Variants in MTMR3 observed in about 807,000 individuals in gnomAD.
MTMR3 encodes the protein myotubularin related protein 3, also known as phosphatidylinositol-3,5-bisphosphate 3-phosphatase MTMR3.
In MTMR3, 32 loss-of-function variants were observed where a neutral mutation model predicts 132.4. That is an observed-to-expected ratio of 0.24 (90% CI 0.18 to 0.32). The LOEUF is 0.32. Ranked by LOEUF, MTMR3 falls within the 10% of genes least tolerant of loss-of-function variation. The pLI is 1.00. For synonymous variants in MTMR3, 556 were observed against 550.3 expected (o/e 1.01, Z -0.14); for missense variants, 1,216 against 1,489.6 (o/e 0.82, Z 3.02).
intron 1 of MTMR3, among the ~76,000 whole-genome samples, chr22:29,892,020 G>A (rs2064809174): frequency 6.6e-6 from 1 of 151,990 alleles, no homozygotes. Context: ...CAGCGTGGTG[G>A]CACGCGCCTG....
rs139024510 is a variant in MTMR3, at chr22:29,890,706, A to G, written c.-138+7347A>G. Among the ~76,000 whole-genome samples the G allele has an allele frequency of 2.6e-5, 4 of 152,284 alleles. No homozygotes were observed. The East Asian group carries it at 7.7e-4, about 29-fold the overall frequency. On this transcript the variant is annotated intron_variant, in intron 1 of 19. Transcript: ENST00000401950. ...TTGTTGGGAGTTTAAAGTAGTTTGAAACAGTTTTCTGTTTCTTTTTCAGCA... is the reference window on the plus strand; with the variant it reads ...TTGTTGGGAGTTTAAAGTAGTTTGAGACAGTTTTCTGTTTCTTTTTCAGCA...
intron 2 of MTMR3, among the ~76,000 whole-genome samples, chr22:29,970,075 T>G (rs954609250): frequency 9.9e-5 from 15 of 152,256 alleles, no homozygotes; most frequent in Non-Finnish European, 1.8e-4. Flanking sequence ...ACTTACTCTT[T>G]GTATAAGCCT....
chr22:29,942,469 A>G (rs1047948662), intron 1 of MTMR3, among the ~76,000 whole-genome samples: 62 of 152,348 alleles, frequency 4.1e-4, no homozygotes, highest in African/African-American at 1.4e-3. Context: ...ACATCTTATC[A>G]GGAGACAGGG....
At chr22:29,973,126 A>G (rs374399061) in intron 3 of MTMR3, among the ~76,000 whole-genome samples, 2 of 152,178 alleles carry the variant, frequency 1.3e-5, no homozygotes, top group Admixed American at 6.5e-5. Context: ...TGTGTAGACA[A>G]TTCAGGAGCA....
intron 9 of MTMR3, chr22:30,004,411 T>C (rs1390568402): frequency 1.3e-5 from 2 of 152,136 alleles, no homozygotes; most frequent in Non-Finnish European, 2.9e-5. Context: ...TAAGAGGCTT[T>C]AGGTGAATTC....
intron 7 of MTMR3, chr22:29,991,915 GT>G: frequency 6.0e-6 from 2 of 335,228 alleles, no homozygotes; most frequent in East Asian, 5.0e-5. Context: ...CTATAATAAG[GT>G]TTTATGAATA....
intron 2 of MTMR3, among the ~76,000 whole-genome samples, chr22:29,958,140 T>A (rs1278103225): frequency 6.6e-6 from 1 of 152,126 alleles, no homozygotes; most frequent in African/African-American, 2.4e-5. Flanking sequence ...TCTGAAAAAT[T>A]TGCGAGTTCT....
intron 1 of MTMR3, among the ~76,000 whole-genome samples, chr22:29,922,648 T>C (rs757125649): frequency 6.6e-6 from 1 of 152,220 alleles, no homozygotes; most frequent in African/African-American, 2.4e-5. Context: ...AAGTCTCTGC[T>C]TTTACTCCTT....
At chr22:29,888,130 CTT>C in intron 1 of MTMR3, among the ~76,000 whole-genome samples, 1 of 151,778 alleles carries the variant, frequency 6.6e-6, no homozygotes, top group Non-Finnish European at 1.5e-5. Context: ...ATTTGGGAAA[CTT>C]TTGTTTCTTT....
At chr22:30,015,167 C>T (rs543393903) in intron 14 of MTMR3, 116 of 152,318 alleles carry the variant, frequency 7.6e-4, no homozygotes, top group African/African-American at 2.7e-3. Flanking sequence ...TCACCTTAGC[C>T]CCCTGAGTAG....
At position 29,965,261 on chromosome 22, in the gene MTMR3, C is replaced by T. The variant is rs1321959427; in HGVS notation, c.-84-5715C>T. ...TAGATTATTGGTAAATTTTGACTGA[C>T]TGCAGTGCAGAAAGAACATCATTTT... On this transcript the variant is annotated intron_variant, in intron 2 of 19. Coordinates refer to ENST00000401950, the MANE Select transcript of MTMR3 (RefSeq NM_021090.4). Among the ~76,000 whole-genome samples the T allele has an allele frequency of 2.0e-5, 3 of 151,610 alleles. No individual in the cohort carries two copies. The East Asian group carries it at 5.8e-4, about 29-fold the overall frequency.
At chr22:29,940,392 T>C (rs1306866673) in intron 1 of MTMR3, among the ~76,000 whole-genome samples, 3 of 140,034 alleles carry the variant, frequency 2.1e-5, no homozygotes, top group Non-Finnish European at 4.4e-5. Flanking sequence ...TAAGAACTAA[T>C]GATAATCCTA....
chr22:30,012,609 G>A (rs1263016360), intron 13 of MTMR3, 46 bp downstream of exon 13: 1 of 1,534,690 alleles, frequency 6.5e-7, no homozygotes, highest in Non-Finnish European at 8.8e-7. Flanking sequence ...GGATGAGCCA[G>A]GGAAACGTCT....
rs1202196561 is a variant in MTMR3 at position 30,019,775 on chromosome 22, C to A, written c.2116C>A (p.Pro706Thr). ...CAAAGAGGAGAGTGGAGTAGAGGAA[C>A]CTGCCCACAGGGCAGGCATTGAGAT... ...ATKEESGVEE[P>T]AHRAGIEIQE... Residue 706 changes from proline to threonine, a missense_variant, in exon 17 of 20, where the codon CCT (proline) becomes ACT (threonine). Physicochemically the swap from Pro to Thr is conservative, Grantham distance 38. Transcript: ENST00000401950. The A allele has an allele frequency of 6.2e-7, 1 of 1,614,192 alleles. No homozygotes were observed. Among genetic ancestry groups the A allele is most frequent in the Admixed American group, 1.7e-5 (1 of 60,032 alleles).
chr22:29,932,729 T>C (rs2145793453), intron 1 of MTMR3, among the ~76,000 whole-genome samples: 1 of 152,320 alleles, frequency 6.6e-6, no homozygotes, highest in African/African-American at 2.4e-5. Flanking sequence ...CAAATATTTA[T>C]CCCTGTCATA....
At chr22:29,898,337 G>T (rs1260825523) in intron 1 of MTMR3, among the ~76,000 whole-genome samples, 2 of 152,084 alleles carry the variant, frequency 1.3e-5, no homozygotes, top group Non-Finnish European at 2.9e-5. Flanking sequence ...TGTTACATGG[G>T]TATATTGCAT....
chr22:29,925,440 TTAAGAG>T (rs1336834384), intron 1 of MTMR3, among the ~76,000 whole-genome samples: 1 of 152,088 alleles, frequency 6.6e-6, no homozygotes, highest in African/African-American at 2.4e-5. Context: ...TGATTTTAAA[TTAAGAG>T]TAATTGTAGT....
chr22:29,907,552 G>C (rs2065128036), intron 1 of MTMR3, among the ~76,000 whole-genome samples: 1 of 152,090 alleles, frequency 6.6e-6, no homozygotes, highest in South Asian at 2.1e-4. Context: ...CTTAACTTCA[G>C]AGTTCTTACC....
chr22:30,020,010 G>C lies in MTMR3; in HGVS notation c.2351G>C (p.Arg784Thr). 1 of 1,614,192 alleles carries C rather than the reference G, an allele frequency of 6.2e-7. No homozygotes were observed. The highest frequency in any genetic ancestry group is 8.5e-7 in the Non-Finnish European group (1 of 1,180,034). Residue 784 changes from arginine (R) to threonine (T), a missense_variant, in exon 17 of 20, where the codon AGG (arginine) becomes ACG (threonine). Around this residue, in one of 7 missense-constraint regions of MTMR3, gnomAD observed 852 missense variants for 852.0 expected, o/e 1.00. Transcript: ENST00000401950. ...CTCAGTTCTCTCCAGGTCCCCCCCA[G>C]GGGAGAGGATTCCCTGGAGGTCCCT... ...VLLSSLQVPP[R>T]GEDSLEVPVE... is the part of the protein sequence containing the mutation.
Sources: gnomAD v4.1 joint callset for allele counts (sites outside exome capture counted in the v4.1 genomes callset) on GRCh38, gnomAD v4.1.1 for gene constraint, gnomAD v4.1.1 regional missense constraint, MANE v1.5 for transcripts, NCBI Gene and HGNC (gene_info 2026-07-23, HGNC 2026-07-21) for gene names.